Variants in HTRA1 observed in about 807,000 individuals in gnomAD.
HTRA1 encodes serine protease HTRA1.
A neutral mutation model predicts 49.7 loss-of-function variants in HTRA1; 26 were observed. The ratio of observed to expected loss-of-function variants is 0.52; its 90% CI spans 0.38 to 0.73. HTRA1 has a LOEUF of 0.73. HTRA1 is among the 30% of genes least tolerant of loss of function. The pLI, the probability that HTRA1 is intolerant of heterozygous loss-of-function variation, is 0.00. For synonymous variants in HTRA1, 291 were observed against 286.9 expected (o/e 1.01, Z -0.14); for missense variants, 561 against 667.2 (o/e 0.84, Z 1.75).
intron 1 of HTRA1, among the ~76,000 whole-genome samples, chr10:122,486,014 C>T (rs1203115402): frequency 6.6e-6 from 1 of 152,268 alleles, no homozygotes; most frequent in South Asian, 2.1e-4. Flanking sequence ...TTATTTACAC[C>T]TCCCATTGGA....
At chr10:122,474,483 A>AG (rs2097487558) in intron 1 of HTRA1, among the ~76,000 whole-genome samples, 2 of 152,056 alleles carry the variant, frequency 1.3e-5, no homozygotes, top group African/African-American at 4.8e-5. Flanking sequence ...CTCCTGCACC[A>AG]GGGGGGCAGA....
At position 122,514,486 on chromosome 10, in the gene HTRA1, C is replaced by A; in HGVS notation, c.*127C>A. On this transcript the variant is annotated 3_prime_UTR_variant, in exon 9 of 9. Coordinates refer to ENST00000368984, the MANE Select transcript of HTRA1 (RefSeq NM_002775.5). ...TGCCATTTTGTTTGTTCAGTGGAGA[C>A]TCCCTGGCCAACAGAATCCTTCTTG... 1.1e-6 allele frequency: 1 copy of A among 877,956 alleles called. No homozygotes were observed. Among genetic ancestry groups the A allele is most frequent in the Non-Finnish European group, 1.9e-6 (1 of 531,882 alleles). The allele number at this position is 877,956 out of a possible 1,614,324, so 54.4% of individuals were successfully genotyped here. A position where few individuals can be genotyped will look rare whatever the true frequency, so the allele number is the denominator to read the frequency against.
chr10:122,496,856 A>G (rs1463868351), intron 3 of HTRA1, among the ~76,000 whole-genome samples: 3 of 152,072 alleles, frequency 2.0e-5, no homozygotes, highest in Admixed American at 2.0e-4. Context: ...CTCCAGAACA[A>G]GTTTCTGGTT....
intron 1 of HTRA1, among the ~76,000 whole-genome samples, chr10:122,475,379 C>A (rs1195801231): frequency 6.6e-6 from 1 of 152,204 alleles, no homozygotes; most frequent in Non-Finnish European, 1.5e-5. Context: ...CGAGGCCAGG[C>A]TCCCGGCTCC....
rs1454124608 is a variant in HTRA1, at chr10:122,490,673, G to A, written c.777+1047G>A. ...TCTTGTCCAGCCCTCTGCTTGCCTC[G>A]CTTTACCTGGGTGTGGGCTGAGTAA... On this transcript the variant is annotated intron_variant, in intron 3 of 8. Coordinates refer to ENST00000368984, the MANE Select transcript of HTRA1 (RefSeq NM_002775.5). The surrounding 1 kb of genome is among the most constrained non-coding windows in gnomAD (Gnocchi z 4.2). Among the ~76,000 whole-genome samples, 4 of 152,098 alleles carry A rather than the reference G, an allele frequency of 2.6e-5. No individual in the cohort carries two copies. The highest frequency in any genetic ancestry group is 9.7e-5 in the African/African-American group (4 of 41,414).
chr10:122,467,273 G>A (rs1430709175), intron 1 of HTRA1, among the ~76,000 whole-genome samples: 3 of 152,182 alleles, frequency 2.0e-5, no homozygotes, highest in Admixed American at 6.5e-5. Context: ...AGGCCAACTG[G>A]GGCGGAGGGG....
At chr10:122,491,358 G>A (rs1179993751) in intron 3 of HTRA1, among the ~76,000 whole-genome samples, 1 of 152,194 alleles carries the variant, frequency 6.6e-6, no homozygotes, top group East Asian at 1.9e-4. Context: ...GGTGCATCTG[G>A]TTTAGGAACA....
intron 3 of HTRA1, among the ~76,000 whole-genome samples, chr10:122,500,931 C>G (rs1249627628): frequency 6.6e-6 from 1 of 152,192 alleles, no homozygotes; most frequent in East Asian, 1.9e-4. Context: ...GTGTTATACC[C>G]TCTCTGGTCC....
chr10:122,512,152 T>C, intron 8 of HTRA1, 87 bp downstream of exon 8: 2 of 938,316 alleles, frequency 2.1e-6, no homozygotes, highest in Non-Finnish European at 1.7e-6. Flanking sequence ...CCTTTTCTAC[T>C]GGCTCAGATG....
In HTRA1 at chr10:122,512,051, T is replaced by C. The variant is rs144118239; in HGVS notation, c.1260T>C (p.Asp420=). 14 of 1,610,208 alleles carry C rather than the reference T, an allele frequency of 8.7e-6. No homozygotes were observed. The highest frequency in any genetic ancestry group is 1.1e-5 in the Non-Finnish European group (13 of 1,176,528). ...SGAYIIEVIP[D]TPAEAGGLKE... Reference sequence around the variant, plus strand: ...CGTATATAATTGAAGTAATTCCTGATACCCCAGCAGAAGCGTGAGTTGGAG... The same window carrying C: ...CGTATATAATTGAAGTAATTCCTGACACCCCAGCAGAAGCGTGAGTTGGAG... The change falls in exon 8 of 9, where the codon GAT becomes GAC. Residue 420 remains aspartate (D), a synonymous_variant. Coordinates refer to ENST00000368984, the MANE Select transcript of HTRA1 (RefSeq NM_002775.5).
chr10:122,491,730 C>T (rs1017039203), intron 3 of HTRA1, among the ~76,000 whole-genome samples: 1 of 152,152 alleles, frequency 6.6e-6, no homozygotes, highest in African/African-American at 2.4e-5. Flanking sequence ...CTCCTGCTGT[C>T]TTGGGAGTTT....
intron 1 of HTRA1, among the ~76,000 whole-genome samples, chr10:122,479,856 G>A (rs181562745): frequency 6.6e-6 from 1 of 152,256 alleles, no homozygotes; most frequent in Non-Finnish European, 1.5e-5. Context: ...CAGTTAGGGG[G>A]AGACACTGAA....
Position 122,514,250 on chromosome 10 carries a change from C to T in HTRA1, c.1334C>T (p.Ala445Val). ...ISINGQSVVS[A>V]NDVSDVIKRE... is the part of the protein sequence containing the mutation. ...ATCAATGGACAGTCCGTGGTCTCCG[C>T]CAATGATGTCAGCGACGTCATTAAA... is the stretch of plus-strand genomic sequence containing the variant. The change falls in exon 9 of 9, where the codon GCC becomes GTC. Residue 445 changes from alanine to valine, a missense_variant. By Grantham distance (64) the Ala-to-Val change is moderately conservative. Coordinates refer to ENST00000368984, the MANE Select transcript of HTRA1 (RefSeq NM_002775.5). 1 of 1,613,960 alleles carries T rather than the reference C, an allele frequency of 6.2e-7. No individual in the cohort carries two copies. The highest frequency in any genetic ancestry group is 8.5e-7 in the Non-Finnish European group (1 of 1,179,892).
chr10:122,463,355 T>TAGAG (rs138867864), intron 1 of HTRA1, among the ~76,000 whole-genome samples: 1 of 152,092 alleles, frequency 6.6e-6, no homozygotes, highest in Non-Finnish European at 1.5e-5. Context: ...AGTCAGGCAG[T>TAGAG]AGAGAGTTGT....
chr10:122,490,885 C>T lies in HTRA1; in HGVS notation c.777+1259C>T, dbSNP rs140322586. Reference sequence around the variant, plus strand: ...CCTTTACGGCCAGTCTTCAGAAAACCACCAGCTAACACATTTACTACCCTC... The same window carrying T: ...CCTTTACGGCCAGTCTTCAGAAAACTACCAGCTAACACATTTACTACCCTC... On this transcript the variant is annotated intron_variant, in intron 3 of 8. Coordinates refer to ENST00000368984, the MANE Select transcript of HTRA1 (RefSeq NM_002775.5). The surrounding 1 kb of genome is among the most constrained non-coding windows in gnomAD (Gnocchi z 4.2). Among the ~76,000 whole-genome samples the T allele has an allele frequency of 2.3e-3, 345 of 152,240 alleles. 4 individuals are homozygous for T. Among genetic ancestry groups the T allele is most frequent in the African/African-American group, 7.9e-3 (330 of 41,550 alleles).
intron 1 of HTRA1, among the ~76,000 whole-genome samples, chr10:122,466,196 C>T (rs2097483704): frequency 6.6e-6 from 1 of 152,122 alleles, no homozygotes; most frequent in South Asian, 2.1e-4. Flanking sequence ...GACAGTGTCT[C>T]GTTCTGTCGC....
At chr10:122,500,768 G>A (rs2097500545) in intron 3 of HTRA1, among the ~76,000 whole-genome samples, 1 of 152,184 alleles carries the variant, frequency 6.6e-6, no homozygotes, top group Admixed American at 6.5e-5. Context: ...CCCTGGGGGA[G>A]TTCCAGCAGT....
intron 8 of HTRA1, among the ~76,000 whole-genome samples, chr10:122,512,914 C>T (rs117966582): frequency 0.017 from 2,661 of 152,166 alleles, 69 homozygotes; most frequent in East Asian, 0.14. Context: ...TTTGTGTCCT[C>T]GTAGCTTAGT....
At chr10:122,488,287 G>T (rs1258960820) in intron 1 of HTRA1, among the ~76,000 whole-genome samples, 1 of 152,176 alleles carries the variant, frequency 6.6e-6, no homozygotes, top group Non-Finnish European at 1.5e-5. Flanking sequence ...GGGACCCTTG[G>T]CTGGGTGTGG....
Sources: allele counts gnomAD v4.1 joint callset (sites outside exome capture counted in the v4.1 genomes callset), GRCh38; gene constraint gnomAD v4.1.1; non-coding constraint Gnocchi (gnomAD v3.1); transcripts MANE v1.5; gene names NCBI Gene and HGNC (gene_info 2026-07-23, HGNC 2026-07-21).